The following BZW2 variants were observed in gnomAD, a reference collection of about 807,000 sequenced individuals.
BZW2 encodes the protein basic leucine zipper and W2 domains 2.
In BZW2, 23 loss-of-function variants were observed where a neutral mutation model predicts 53.2. The ratio of observed to expected loss-of-function variants is 0.43; its 90% confidence interval spans 0.31 to 0.61. BZW2 has a LOEUF of 0.61. Ranked by LOEUF, BZW2 falls within the 20% of genes least tolerant of loss-of-function variation. BZW2 has a pLI of 0.09. For synonymous variants in BZW2, 227 were observed against 186.4 expected (o/e 1.22, Z -1.77); for missense variants, 409 against 503.1 (o/e 0.81, Z 1.79).
intron 1 of BZW2, among the ~76,000 whole-genome samples, chr7:16,654,522 A>C (rs866090889): frequency 0.018 from 2,080 of 116,044 alleles, 12 homozygotes; most frequent in South Asian, 0.039. Flanking sequence ...CCCCCCCCCC[A>C]AAAAAAAACG....
At chr7:16,680,808 TAAA>T (rs1480151554) in intron 3 of BZW2, among the ~76,000 whole-genome samples, 9 of 150,922 alleles carry the variant, frequency 6.0e-5, no homozygotes, top group Admixed American at 5.9e-4. Context: ...GTCTAAAAAA[TAAA>T]AATAAAAAAA....
At chr7:16,705,939 G>A (rs71540764) in intron 11 of BZW2, 121 bp from the exon 12 acceptor site, 80,259 of 1,052,660 alleles carry the variant, frequency 0.076, 3,800 homozygotes, top group Middle Eastern at 0.16. Flanking sequence ...CCTTATAATG[G>A]GTGCCTAGGG....
rs762131738 is a variant in BZW2 at position 16,696,927 on chromosome 7, G to A, written c.835G>A (p.Val279Ile). Residue 279 changes from valine (V) to isoleucine (I), a missense_variant, in exon 9 of 12, where the codon GTC (valine) becomes ATC (isoleucine). Physicochemically the swap from Val to Ile is conservative, Grantham distance 29. Coordinates refer to ENST00000258761, the MANE Select transcript of BZW2 (RefSeq NM_014038.3). ...ECPIKEVVLY[V>I]KEEMKRNDLP... ...CCATGTAATGTAGGTGGTGCTTTAT[G>A]TCAAAGAAGAAATGAAGAGGAATGA... 2 of 1,614,042 alleles carry A rather than the reference G, an allele frequency of 1.2e-6. No individual in the cohort carries two copies. Among genetic ancestry groups the A allele is most frequent in the Non-Finnish European group, 1.7e-6 (2 of 1,179,942 alleles).
At chr7:16,703,730 T>C (rs1412855648) in intron 10 of BZW2, among the ~76,000 whole-genome samples, 1 of 152,188 alleles carries the variant, frequency 6.6e-6, no homozygotes, top group Non-Finnish European at 1.5e-5. Context: ...TATGTACACT[T>C]ATTTTTATAT....
Position 16,646,198 on chromosome 7 carries a change from C to T in BZW2, c.-98C>T, listed in dbSNP as rs867496173. On this transcript the variant is annotated 5_prime_UTR_variant, in exon 1 of 12. Coordinates refer to ENST00000258761, the MANE Select transcript of BZW2 (RefSeq NM_014038.3). ...TGTCCTTCACTCCTCCATTGTCTGC[C>T]GCCACTGCTGCTGCTGCTGCTGCTG... The T allele has an allele frequency of 5.9e-6, 2 of 338,408 alleles. No individual in the cohort carries two copies. The highest frequency in any genetic ancestry group is 3.2e-5 in the Admixed American group (1 of 31,032). The allele number at this position is 338,408 out of a possible 1,614,324, so 21.0% of individuals were successfully genotyped here. A position where few individuals can be genotyped will look rare whatever the true frequency, so the allele number is the denominator to read the frequency against.
intron 6 of BZW2, chr7:16,688,669 A>G (rs1030851184): frequency 1.3e-5 from 2 of 152,204 alleles, no homozygotes; most frequent in Non-Finnish European, 2.9e-5. Flanking sequence ...GTTTAGAAAA[A>G]TCAGTTAAAT....
chr7:16,646,349 G>C, intron 1 of BZW2, 61 bp downstream of exon 1: 1 of 163,246 alleles, frequency 6.1e-6, no homozygotes, highest in South Asian at 1.1e-4. Context: ...AGCGACTGCC[G>C]CCCCGCCGGG....
intron 3 of BZW2, among the ~76,000 whole-genome samples, chr7:16,675,706 A>T (rs945050537): frequency 6.6e-6 from 1 of 152,216 alleles, no homozygotes; most frequent in African/African-American, 2.4e-5. Flanking sequence ...AAGTCTAAGT[A>T]TAACAGCTAT....
At position 16,689,768 on chromosome 7, in the gene BZW2, G is replaced by A. The variant is rs377414985; in HGVS notation, c.542-29G>A. 12 of 1,567,594 alleles carry A rather than the reference G, an allele frequency of 7.7e-6. No homozygotes were observed. The African/African-American group carries it at 9.5e-5, about 12-fold the overall frequency. ...TCACAATTGGTTTTGCTCGTAAAAG[G>A]AATGAAATTCTCTTTTGTTTTTCAA... On this transcript the variant is annotated intron_variant, in intron 6 of 11. Coordinates refer to ENST00000258761, the MANE Select transcript of BZW2 (RefSeq NM_014038.3).
chr7:16,680,463 A>G (rs746400014), intron 3 of BZW2, among the ~76,000 whole-genome samples: 6 of 152,170 alleles, frequency 3.9e-5, no homozygotes, highest in East Asian at 1.9e-4. Flanking sequence ...GAAGTACACT[A>G]TGGTGGGAGT....
intron 2 of BZW2, among the ~76,000 whole-genome samples, chr7:16,667,504 G>T (rs1038617359): frequency 6.6e-6 from 1 of 152,120 alleles, no homozygotes; most frequent in African/African-American, 2.4e-5. Context: ...TATGCCTTTG[G>T]CAGTCAGTGC....
At chr7:16,690,190 T>C (rs1445724208) in intron 7 of BZW2, among the ~76,000 whole-genome samples, 1 of 151,702 alleles carries the variant, frequency 6.6e-6, no homozygotes, top group Non-Finnish European at 1.5e-5. Context: ...CTTTGTTTTA[T>C]AGCCATAACT....
chr7:16,692,249 G>A (rs1022085380), intron 7 of BZW2, among the ~76,000 whole-genome samples: 11 of 151,942 alleles, frequency 7.2e-5, no homozygotes, highest in Admixed American at 6.6e-4. Context: ...CCTTATTACT[G>A]ACAAAGAGAA....
intron 1 of BZW2, among the ~76,000 whole-genome samples, chr7:16,663,929 A>G (rs920699747): frequency 2.0e-5 from 3 of 152,236 alleles, no homozygotes; most frequent in African/African-American, 4.8e-5. Context: ...CCAGTAAAAT[A>G]GTATAAAGTA....
At chr7:16,666,419 T>TTATTTATTTATTTACG (rs745428931) in intron 2 of BZW2, among the ~76,000 whole-genome samples, 1,582 of 151,000 alleles carry the variant, frequency 0.01, 29 homozygotes, top group African/African-American at 0.036. Context: ...ATTTATTTAT[T>TTATTTATTTATTTACG]TAGAGACGGA....
intron 1 of BZW2, chr7:16,662,403 AAACTTTTAT>A: frequency 1.3e-5 from 2 of 152,178 alleles, no homozygotes; most frequent in Non-Finnish European, 2.9e-5. Context: ...ATAAAGAAAC[AAACTTTTAT>A]GCTTAGAAAG....
intron 1 of BZW2, 29 bp from the exon 2 acceptor site, chr7:16,665,408 T>A (rs1782392766): frequency 4.3e-6 from 7 of 1,613,564 alleles, no homozygotes; most frequent in Non-Finnish European, 5.9e-6. Flanking sequence ...TTATCTGAAA[T>A]ACATAATCTT....
intron 4 of BZW2, among the ~76,000 whole-genome samples, chr7:16,681,975 T>A (rs1330266833): frequency 6.6e-6 from 1 of 152,224 alleles, no homozygotes; most frequent in Non-Finnish European, 1.5e-5. Context: ...AAGTTGGAAA[T>A]AAAATTTATG....
chr7:16,669,058 C>T (rs1782520812), intron 2 of BZW2, among the ~76,000 whole-genome samples: 1 of 152,168 alleles, frequency 6.6e-6, no homozygotes, highest in African/African-American at 2.4e-5. Context: ...AAAAAAAGGC[C>T]AAACTGCAGG....
Sources: gnomAD v4.1 joint callset for allele counts (sites outside exome capture counted in the v4.1 genomes callset) on GRCh38, gnomAD v4.1.1 for gene constraint, MANE v1.5 for transcripts, NCBI Gene and HGNC (gene_info 2026-07-23, HGNC 2026-07-21) for gene names.